NBEA: variants seen among roughly 807,000 people sequenced by gnomAD.
NBEA encodes the protein neurobeachin, also known as lysosomal-trafficking regulator 2.
A neutral mutation model predicts 343.4 loss-of-function variants in NBEA; 44 were observed. The observed-to-expected ratio is 0.13, with a 90% CI of 0.10 to 0.16. The LOEUF (loss-of-function observed/expected upper bound fraction) is 0.16. Among genes scored for constraint, NBEA ranks in the 10% least tolerant of loss-of-function variants. The pLI is 1.00. For missense variants in NBEA, 2,555 were observed against 3,631.3 expected (o/e 0.70, Z 7.62); for synonymous variants, 1,175 against 1,238.7 (o/e 0.95, Z 1.08).
intron 10 of NBEA, among the ~76,000 whole-genome samples, chr13:35,089,355 A>G (rs1426073723): frequency 2.0e-5 from 3 of 151,080 alleles, no homozygotes; most frequent in Non-Finnish European, 2.9e-5. Flanking sequence ...CAAAACTGCA[A>G]TGAGATACCA....
intron 30 of NBEA, among the ~76,000 whole-genome samples, chr13:35,184,870 A>G (rs1287329253): frequency 6.6e-6 from 1 of 152,136 alleles, no homozygotes; most frequent in East Asian, 1.9e-4. Context: ...GAATTCTGTG[A>G]TAGCTCCAAG....
chr13:35,641,891 CTTT>C (rs959063609), intron 49 of NBEA, among the ~76,000 whole-genome samples: 11 of 152,066 alleles, frequency 7.2e-5, no homozygotes, highest in Admixed American at 3.9e-4. Context: ...ACCTTATACA[CTTT>C]TATCTTAAAC....
At chr13:35,506,660 G>T (rs2077083290) in intron 41 of NBEA, among the ~76,000 whole-genome samples, 1 of 151,982 alleles carries the variant, frequency 6.6e-6, no homozygotes, top group Non-Finnish European at 1.5e-5. Flanking sequence ...ACAAATTTTT[G>T]AGTTAGAATT....
At chr13:35,430,120 C>T (rs2045004792) in intron 38 of NBEA, among the ~76,000 whole-genome samples, 1 of 151,902 alleles carries the variant, frequency 6.6e-6, no homozygotes, top group Non-Finnish European at 1.5e-5. Flanking sequence ...TCCACACCAA[C>T]ATTTTTTTTT....
chr13:35,225,832 C>T (rs992477982), intron 33 of NBEA, among the ~76,000 whole-genome samples: 2 of 152,166 alleles, frequency 1.3e-5, no homozygotes, highest in South Asian at 2.1e-4. Context: ...CTAGCAACCT[C>T]AGCTCTCTGA....
At chr13:35,586,094 GAC>G (rs2081282043) in intron 46 of NBEA, among the ~76,000 whole-genome samples, 4 of 152,058 alleles carry the variant, frequency 2.6e-5, no homozygotes, top group Non-Finnish European at 4.4e-5. Context: ...ATATACCTCA[GAC>G]CACTCTATTG....
chr13:35,430,485 T>G (rs1255744661), intron 38 of NBEA, among the ~76,000 whole-genome samples: 1 of 152,224 alleles, frequency 6.6e-6, no homozygotes, highest in African/African-American at 2.4e-5. Flanking sequence ...TTTGTTGCAC[T>G]TACTTCTGGG....
intron 41 of NBEA, among the ~76,000 whole-genome samples, chr13:35,502,045 G>T (rs917674982): frequency 1.3e-5 from 2 of 152,110 alleles, no homozygotes; most frequent in African/African-American, 4.8e-5. Context: ...ACAGCAGAGA[G>T]AGCTCAAACA....
rs1339764361 is a variant in NBEA, at chr13:35,100,282, CCTTT to C, written c.1680+1882_1680+1885del. ...GTCTTTTCTTTGAAACAAGTGTTGA[CCTTT>C]CTTTAAGGATTAATGATTGAAAAGT... On this transcript the variant is annotated intron_variant, in intron 11 of 58. Transcript: ENST00000379939. Among the ~76,000 whole-genome samples, 13 of 151,934 alleles carry C rather than the reference CCTTT, an allele frequency of 8.6e-5. No individual in the cohort carries two copies. The East Asian group carries it at 2.5e-3, about 29-fold the overall frequency.
intron 39 of NBEA, among the ~76,000 whole-genome samples, chr13:35,440,242 T>C (rs1380781712): frequency 1.3e-5 from 2 of 152,124 alleles, no homozygotes; most frequent in Non-Finnish European, 2.9e-5. Context: ...TCACTTTGGG[T>C]AACAACATTG....
At chr13:35,003,281 G>C (rs1364220801) in intron 1 of NBEA, among the ~76,000 whole-genome samples, 1 of 152,082 alleles carries the variant, frequency 6.6e-6, no homozygotes, top group Non-Finnish European at 1.5e-5. Context: ...CTTCAGGGGG[G>C]CTGAGGTAAG....
chr13:35,155,378 C>T (rs1232070542), intron 18 of NBEA, among the ~76,000 whole-genome samples: 1 of 152,072 alleles, frequency 6.6e-6, no homozygotes, highest in African/African-American at 2.4e-5. Context: ...AACCCCAGCA[C>T]TTTGGGAGGC....
chr13:35,045,963 G>A (rs908588744), intron 4 of NBEA, among the ~76,000 whole-genome samples: 1 of 151,974 alleles, frequency 6.6e-6, no homozygotes, highest in African/African-American at 2.4e-5. Context: ...CTAACCTCCT[G>A]TTTGCCCGCC....
In NBEA at chr13:35,535,373, G is replaced by A. The variant is rs1040287183; in HGVS notation, c.6586-15104G>A. The stretch of plus-strand genomic sequence containing the variant: ...TGCAGAAGACAGAACACGCAAAACC[G>A]TTTAGTAAGTGGTAAATAAGAACAA... On this transcript the variant is annotated intron_variant, in intron 41 of 58. Coordinates refer to ENST00000379939, the MANE Select transcript of NBEA (RefSeq NM_001385012.1). 3.9e-5 allele frequency among the ~76,000 whole-genome samples: 6 copies of A among 152,270 alleles called. No homozygotes were observed. The South Asian group carries it at 8.3e-4, about 21-fold the overall frequency.
chr13:35,076,734 T>C (rs964878925), intron 10 of NBEA, among the ~76,000 whole-genome samples: 5 of 152,084 alleles, frequency 3.3e-5, no homozygotes, highest in African/African-American at 1.2e-4. Flanking sequence ...TCACTAAATT[T>C]GTTGCCTTAA....
chr13:35,076,657 C>G (rs1014258883), intron 10 of NBEA, among the ~76,000 whole-genome samples: 1 of 151,998 alleles, frequency 6.6e-6, no homozygotes, highest in African/African-American at 2.4e-5. Flanking sequence ...AAAAAAGGCA[C>G]CTTTTTGGCA....
At chr13:35,434,632 G>C (rs1327082009) in intron 39 of NBEA, among the ~76,000 whole-genome samples, 1 of 152,164 alleles carries the variant, frequency 6.6e-6, no homozygotes, top group Non-Finnish European at 1.5e-5. Context: ...CTTCCTCACA[G>C]TTCACAAGTC....
intron 48 of NBEA, among the ~76,000 whole-genome samples, chr13:35,626,745 A>T (rs1240644752): frequency 6.6e-6 from 1 of 152,206 alleles, no homozygotes; most frequent in Non-Finnish European, 1.5e-5. Context: ...ACTAATATAG[A>T]CATAATACAG....
Position 35,290,147 on chromosome 13 carries a change from A to G in NBEA, c.5777-242A>G, listed in dbSNP as rs866241367. Among the ~76,000 whole-genome samples, 15 of 151,904 alleles carry G rather than the reference A, an allele frequency of 9.9e-5. No homozygotes were observed. The South Asian group carries it at 2.3e-3, about 23-fold the overall frequency. ...GAAGTCAGTTTTCGAGTATTTTCAC[A>G]TCATCTTGTGACAAACCCACAGCCA... On this transcript the variant is annotated intron_variant, in intron 34 of 58. Transcript: ENST00000379939.
Sources: gnomAD v4.1 joint callset for allele counts (sites outside exome capture counted in the v4.1 genomes callset) on GRCh38, gnomAD v4.1.1 for gene constraint, MANE v1.5 for transcripts, NCBI Gene and HGNC (gene_info 2026-07-23, HGNC 2026-07-21) for gene names.